Variants in MEF2C observed in about 807,000 individuals in gnomAD.
MEF2C encodes myocyte enhancer factor 2C, also known as myocyte-specific enhancer factor 2C.
A neutral mutation model predicts 50.5 loss-of-function variants in MEF2C; 6 were observed. The ratio of observed to expected loss-of-function variants is 0.12; its 90% confidence interval spans 0.07 to 0.23. The LOEUF (loss-of-function observed/expected upper bound fraction) is 0.23. Among genes scored for constraint, MEF2C ranks in the 10% least tolerant of loss-of-function variants. The probability of loss-of-function intolerance (pLI) is 1.00; values close to 1 mark genes in which losing one functional copy is unlikely to be tolerated. For missense variants in MEF2C, 276 were observed against 605.0 expected (o/e 0.46, Z 5.70); for synonymous variants, 183 against 228.0 (o/e 0.80, Z 1.78).
intron 3 of MEF2C, 25 bp from the exon 4 acceptor site, chr5:88,761,353 CA>C (rs772534749): frequency 1.4e-5 from 23 of 1,599,858 alleles, no homozygotes; most frequent in African/African-American, 2.7e-5. Flanking sequence ...TTGGAAAGTT[CA>C]AACCTAGACA....
chr5:88,867,243 T>C (rs1827701430), intron 1 of MEF2C, among the ~76,000 whole-genome samples: 1 of 152,204 alleles, frequency 6.6e-6, no homozygotes, highest in Non-Finnish European at 1.5e-5. Context: ...CCAAGGTTAC[T>C]AAATATTTTT....
chr5:88,893,129 T>G (rs1233443869), intron 1 of MEF2C, among the ~76,000 whole-genome samples: 2 of 152,186 alleles, frequency 1.3e-5, no homozygotes, highest in South Asian at 4.1e-4. Flanking sequence ...TGATTAAGTA[T>G]GTATTACAGA....
intron 2 of MEF2C, among the ~76,000 whole-genome samples, chr5:88,815,247 A>G (rs2153166563): frequency 6.6e-6 from 1 of 152,214 alleles, no homozygotes; most frequent in Non-Finnish European, 1.5e-5. Flanking sequence ...ATGCTCAGGA[A>G]GCACATTTGT....
In MEF2C at chr5:88,903,622, G is replaced by T. The variant is rs2537512; in HGVS notation, c.-240+294C>A. Among the ~76,000 whole-genome samples the T allele has an allele frequency of 2.8e-4, 42 of 147,574 alleles. No individual in the cohort carries two copies. In the East Asian group the frequency reaches 5.5e-3, roughly 19 times the overall value. ...AGGAGACTAAAATGTGTGTTAAATC[G>T]TGTAATATTATAAATGTAATTAACT... On this transcript the variant is annotated intron_variant, in intron 1 of 11. Coordinates refer to the MEF2C transcript ENST00000340208.
chr5:88,844,943 CAT>C (rs1818766811), intron 1 of MEF2C, among the ~76,000 whole-genome samples: 3 of 152,164 alleles, frequency 2.0e-5, no homozygotes, highest in African/African-American at 4.8e-5. Flanking sequence ...ATTTATTGAA[CAT>C]GTCTTATCTA....
At chr5:88,802,154 A>G (rs1798636861) in intron 3 of MEF2C, among the ~76,000 whole-genome samples, 1 of 152,242 alleles carries the variant, frequency 6.6e-6, no homozygotes, top group African/African-American at 2.4e-5. Context: ...GATGTTAACA[A>G]GAAAATGGAA....
chr5:88,823,647 C>A, intron 2 of MEF2C, 88 bp downstream of exon 2: 1 of 1,238,524 alleles, frequency 8.1e-7, no homozygotes, highest in Non-Finnish European at 1.1e-6. Flanking sequence ...TAGATATTTA[C>A]AGATTCAAGA....
upstream of MEF2C, among the ~76,000 whole-genome samples, chr5:88,885,864 G>C (rs1022604533): frequency 7.2e-5 from 11 of 151,934 alleles, no homozygotes; most frequent in Admixed American, 2.0e-4. Flanking sequence ...ATTATAGAGG[G>C]TATTTCTGTT....
chr5:88,742,678 C>A, intron 6 of MEF2C: 1 of 985,330 alleles, frequency 1.0e-6, no homozygotes, highest in African/African-American at 1.7e-5. Flanking sequence ...GGGTCGAAGG[C>A]ATATTTTACA....
intron 9 of MEF2C, 78 bp from the exon 10 acceptor site, chr5:88,728,706 A>G (rs1561677406): frequency 9.8e-7 from 1 of 1,023,132 alleles, no homozygotes; most frequent in Non-Finnish European, 1.3e-6. Context: ...AAACATTTTC[A>G]ATTTCCAAAA....
At chr5:88,748,643 TA>T (rs1010711862) in intron 6 of MEF2C, 8 of 429,266 alleles carry the variant, frequency 1.9e-5, no homozygotes, top group Non-Finnish European at 2.5e-5. Context: ...ATTAAAATCT[TA>T]ACCCCTCCTT....
At chr5:88,776,804 T>G (rs1053591141) in intron 3 of MEF2C, among the ~76,000 whole-genome samples, 2 of 152,228 alleles carry the variant, frequency 1.3e-5, no homozygotes, top group African/African-American at 4.8e-5. Context: ...CTTTATGATC[T>G]AACATAAAGC....
intron 6 of MEF2C, chr5:88,733,097 A>G (rs1187700571): frequency 1.0e-6 from 1 of 985,300 alleles, no homozygotes; most frequent in Non-Finnish European, 1.2e-6. Context: ...AGGTGCCTGC[A>G]GAGTAATCCA....
At chr5:88,865,971 C>T (rs1259060353) in intron 1 of MEF2C, among the ~76,000 whole-genome samples, 2 of 151,868 alleles carry the variant, frequency 1.3e-5, no homozygotes, top group African/African-American at 4.8e-5. Flanking sequence ...TCTCGGCTCA[C>T]TGCAAGCTCC....
In MEF2C at chr5:88,736,134, G is replaced by T. The variant is rs924967164; in HGVS notation, c.638-4233C>A. Reference sequence around the variant, plus strand: ...ACCAAATCTTATTCATTTTTCTTCAGAAATGCCTGTCTCTACTTCCACTGC... The same window carrying T: ...ACCAAATCTTATTCATTTTTCTTCATAAATGCCTGTCTCTACTTCCACTGC... On this transcript the variant is annotated intron_variant, in intron 6 of 10. Transcript: ENST00000504921. 99 of 985,118 alleles carry T rather than the reference G, an allele frequency of 1.0e-4. No homozygotes were observed. In the Admixed American group the frequency reaches 6.0e-3, roughly 60 times the overall value. The allele number at this position is 985,118 out of a possible 1,614,324, so 61.0% of individuals were successfully genotyped here.
At chr5:88,880,496 C>T (rs552579741) in intron 1 of MEF2C, among the ~76,000 whole-genome samples, 12 of 152,014 alleles carry the variant, frequency 7.9e-5, no homozygotes, top group Non-Finnish European at 1.0e-4. Flanking sequence ...GAAATAAAAC[C>T]ACAAAATATA....
At chr5:88,736,616 A>C in intron 6 of MEF2C, 1 of 983,318 alleles carries the variant, frequency 1.0e-6, no homozygotes, top group Non-Finnish European at 1.2e-6. Flanking sequence ...CCTTCAGAGG[A>C]GTTCCTTAAA....
intron 3 of MEF2C, among the ~76,000 whole-genome samples, chr5:88,779,634 ATGAAGCAGAACATCTGAAAGAATC>A (rs1272619478): frequency 6.6e-6 from 1 of 151,520 alleles, no homozygotes; most frequent in East Asian, 1.9e-4. Context: ...TGTGTACAGC[ATGAAGCAGAACATCTGAAAGAATC>A]TTCAGAATTA....
At chr5:88,751,372 T>G (rs765385018) in intron 5 of MEF2C, 77 of 985,312 alleles carry the variant, frequency 7.8e-5, no homozygotes, top group Non-Finnish European at 9.0e-5. Context: ...CTTATCATAT[T>G]TCCTTTCTGC....
Sources: gnomAD v4.1 joint callset for allele counts (sites outside exome capture counted in the v4.1 genomes callset) on GRCh38, gnomAD v4.1.1 for gene constraint, MANE v1.5 for transcripts, NCBI Gene and HGNC (gene_info 2026-07-23, HGNC 2026-07-21) for gene names.